Variants in MGLL observed in about 807,000 individuals in gnomAD.
MGLL encodes the protein lysophospholipase homolog.
Under a neutral mutation model 29.1 loss-of-function variants are expected in MGLL, and 7 were observed. That is an observed-to-expected ratio of 0.24 (90% confidence interval 0.14 to 0.45). The LOEUF is 0.45. Ranked by LOEUF, MGLL falls within the 20% of genes least tolerant of loss-of-function variation. The probability of loss-of-function intolerance (pLI) is 0.99; values close to 1 mark genes in which losing one functional copy is unlikely to be tolerated. For missense variants in MGLL, 356 were observed against 413.6 expected (o/e 0.86, Z 1.21); for synonymous variants, 148 against 168.3 (o/e 0.88, Z 0.93).
At chr3:127,744,930 C>G (rs936745796) in intron 3 of MGLL, among the ~76,000 whole-genome samples, 2 of 152,182 alleles carry the variant, frequency 1.3e-5, no homozygotes, top group Admixed American at 1.3e-4. Flanking sequence ...TTAAGATCAC[C>G]TTTATCTGAG....
intron 3 of MGLL, among the ~76,000 whole-genome samples, chr3:127,742,825 G>A (rs1056928197): frequency 1.4e-4 from 21 of 152,162 alleles, no homozygotes; most frequent in Non-Finnish European, 7.4e-5. Context: ...AAGAGACCAT[G>A]TGGCCGCTTG....
At chr3:127,732,291 T>TC (rs1298356170) in intron 3 of MGLL, among the ~76,000 whole-genome samples, 9 of 152,186 alleles carry the variant, frequency 5.9e-5, no homozygotes, top group Non-Finnish European at 1.0e-4. Flanking sequence ...TTTCATTTGT[T>TC]CCCCACAAGC....
chr3:127,700,442 A>G (rs983542112), intron 6 of MGLL, among the ~76,000 whole-genome samples: 1 of 151,730 alleles, frequency 6.6e-6, no homozygotes, highest in Non-Finnish European at 1.5e-5. Flanking sequence ...ACCCCCACAG[A>G]CTCTGCTGCC....
rs1040167404 is a variant in MGLL, at chr3:127,722,566, A to T, written c.263T>A (p.Val88Asp). ...LDLLVFAHDH[V>D]GHGQSEGERM... is the part of the protein sequence containing the mutation. ...CTCCCCTTCGCTCTGTCCGTGGCCAACTGGAAAGGAACGGGAGATGAGAGA... is the reference window on the plus strand; with the variant it reads ...CTCCCCTTCGCTCTGTCCGTGGCCATCTGGAAAGGAACGGGAGATGAGAGA... Residue 88 changes from valine (V) to aspartate (D), a missense_variant and splice_region_variant, in exon 4 of 8, where the codon GTT becomes GAT. Transcript: ENST00000265052. 6.2e-7 allele frequency: 1 copy of T among 1,614,108 alleles called. No homozygotes were observed. Among genetic ancestry groups the T allele is most frequent in the African/African-American group, 1.3e-5 (1 of 74,938 alleles).
chr3:127,716,168 G>A (rs181524961), intron 5 of MGLL, among the ~76,000 whole-genome samples: 7 of 152,360 alleles, frequency 4.6e-5, no homozygotes, highest in Non-Finnish European at 7.3e-5. Flanking sequence ...CCCCAACCCC[G>A]GAAGGGACAG....
At chr3:127,736,480 C>T (rs1429960677) in intron 3 of MGLL, 1 of 397,720 alleles carries the variant, frequency 2.5e-6, no homozygotes, top group East Asian at 1.6e-4. Context: ...GAGACTTCAG[C>T]TTCATGCATC....
chr3:127,818,233 G>A (rs2077793060), intron 2 of MGLL, among the ~76,000 whole-genome samples: 1 of 152,250 alleles, frequency 6.6e-6, no homozygotes. Flanking sequence ...GATGTGTTGG[G>A]ATTATAGGCG....
rs551115684 is a variant in MGLL, at chr3:127,696,324, C to A, written c.601-1134G>T. 2.9e-3 allele frequency among the ~76,000 whole-genome samples: 435 copies of A among 151,388 alleles called. 4 individuals are homozygous for A. Among genetic ancestry groups the A allele is most frequent in the African/African-American group, 0.01 (415 of 41,282 alleles). ...CTGCCCTGATCTCTCTAGCATCTGC[C>A]CTACAGGATCGGGGAGAAGTTTCTA... On this transcript the variant is annotated intron_variant, in intron 6 of 7. Transcript: ENST00000265052.
chr3:127,765,139 G>A (rs1251506391), intron 3 of MGLL, among the ~76,000 whole-genome samples: 4 of 152,162 alleles, frequency 2.6e-5, no homozygotes, highest in Non-Finnish European at 4.4e-5. Flanking sequence ...CCCTGGTGCC[G>A]AGAAGAATTT....
chr3:127,787,596 A>G (rs2077235084), intron 2 of MGLL, among the ~76,000 whole-genome samples: 2 of 152,210 alleles, frequency 1.3e-5, no homozygotes, highest in Non-Finnish European at 2.9e-5. Flanking sequence ...GTTTGTTCCT[A>G]CCACTAGGCA....
intron 2 of MGLL, among the ~76,000 whole-genome samples, chr3:127,802,390 A>T (rs1446173258): frequency 6.6e-6 from 1 of 152,150 alleles, no homozygotes; most frequent in African/African-American, 2.4e-5. Context: ...CAAAACCGAC[A>T]TCCTGCATTC....
intron 5 of MGLL, chr3:127,715,675 A>C (rs1228847868): frequency 4.4e-6 from 2 of 456,726 alleles, no homozygotes; most frequent in South Asian, 3.1e-5. Flanking sequence ...ACGGTTGAGC[A>C]GGGGCCATTG....
chr3:127,706,580 C>T (rs1442269313), intron 6 of MGLL, among the ~76,000 whole-genome samples: 3 of 152,206 alleles, frequency 2.0e-5, no homozygotes, highest in South Asian at 4.1e-4. Context: ...CACGCTCCCT[C>T]GCCACCACCC....
chr3:127,767,605 G>T lies in MGLL; in HGVS notation c.262+14184C>A, dbSNP rs146592305. On this transcript the variant is annotated intron_variant, in intron 3 of 7. Coordinates refer to ENST00000265052, the MANE Select transcript of MGLL (RefSeq NM_007283.7). ...AATGAATGGATTATTTAAGAAATTA[G>T]AGACTATCAGAGCCCTGGGGCACTC... Among the ~76,000 whole-genome samples, 70 of 152,322 alleles carry T rather than the reference G, an allele frequency of 4.6e-4. 2 individuals carry two copies. The highest frequency in any genetic ancestry group is 1.3e-3 in the African/African-American group (56 of 41,580).
intron 3 of MGLL, chr3:127,735,883 C>T (rs1333534428): frequency 6.4e-7 from 1 of 1,569,732 alleles, no homozygotes; most frequent in East Asian, 2.3e-5. Flanking sequence ...AGGATTTTCT[C>T]CTGTTCAGCT....
intron 4 of MGLL, among the ~76,000 whole-genome samples, 188 bp downstream of exon 4, chr3:127,722,242 C>A (rs1048062079): frequency 6.6e-6 from 1 of 152,246 alleles, no homozygotes; most frequent in African/African-American, 2.4e-5. Flanking sequence ...TCACTAAGGA[C>A]CGGCTGGCAG....
At chr3:127,786,245 T>C (rs1269829829) in intron 2 of MGLL, among the ~76,000 whole-genome samples, 1 of 152,206 alleles carries the variant, frequency 6.6e-6, no homozygotes, top group Non-Finnish European at 1.5e-5. Context: ...ACCACGTTCA[T>C]CAAGGGGCCG....
chr3:127,710,631 G>T lies in MGLL; in HGVS notation c.545C>A (p.Pro182Gln). ...GTCGATGGGCCCGAGGGACAAGTTT[G>T]GCAGCACAAGGTTGAGCACTTTCGC... is the stretch of plus-strand genomic sequence containing the variant. Reference protein sequence around the residue: ...LAAKVLNLVLPNLSLGPIDSS... With the variant: ...LAAKVLNLVLQNLSLGPIDSS... Residue 182 changes from proline (P) to glutamine (Q), a missense_variant, in exon 6 of 8, where the codon CCA becomes CAA. Transcript: ENST00000265052. The T allele has an allele frequency of 6.4e-7, 1 of 1,574,170 alleles. No individual in the cohort carries two copies. Among genetic ancestry groups the T allele is most frequent in the East Asian group, 2.3e-5 (1 of 43,236 alleles).
rs191670049 is a variant in MGLL, at chr3:127,815,970, A to G, written c.155+5724T>C. ...ATGAATCGCTGCTTTGGATCCTGGG[A>G]GAGGAGAGCAAGGAGCCGTATGGGG... is the stretch of plus-strand genomic sequence containing the variant. On this transcript the variant is annotated intron_variant, in intron 2 of 7. Coordinates refer to ENST00000265052, the MANE Select transcript of MGLL (RefSeq NM_007283.7). Among the ~76,000 whole-genome samples, 701 of 152,266 alleles carry G rather than the reference A, an allele frequency of 4.6e-3. 7 individuals are homozygous for G. Among genetic ancestry groups the G allele is most frequent in the Admixed American group, 7.9e-3 (121 of 15,294 alleles).
Sources: gnomAD v4.1 joint callset for allele counts (sites outside exome capture counted in the v4.1 genomes callset) on GRCh38, gnomAD v4.1.1 for gene constraint, MANE v1.5 for transcripts, NCBI Gene and HGNC (gene_info 2026-07-23, HGNC 2026-07-21) for gene names.